DDX25: variants seen among roughly 807,000 people sequenced by gnomAD.
The protein encoded by DDX25 is ATP-dependent RNA helicase DDX25.
Under a neutral mutation model 64.6 loss-of-function variants are expected in DDX25, and 70 were observed. The observed-to-expected ratio is 1.08, with a 90% confidence interval of 0.89 to 1.32. The LOEUF is 1.32. Among genes scored for constraint, DDX25 ranks in the 40% most tolerant of loss-of-function variants. DDX25 has a pLI of 0.00. For missense variants in DDX25, 587 were observed against 604.4 expected (o/e 0.97, Z 0.30); for synonymous variants, 211 against 213.3 (o/e 0.99, Z 0.09).
rs117138528 is a variant in DDX25 at position 125,909,486 on chromosome 11, T to G, written c.508-878T>G. 3.5e-3 allele frequency among the ~76,000 whole-genome samples: 540 copies of G among 152,270 alleles called. 9 individuals carry two copies. In the East Asian group the frequency reaches 0.052, roughly 15 times the overall value. ...CGTTTTTTTCCATCAGCATCTTTATTCATCAGCAACCACCATTTTTATGGA... is the reference window on the plus strand; with the variant it reads ...CGTTTTTTTCCATCAGCATCTTTATGCATCAGCAACCACCATTTTTATGGA... On this transcript the variant is annotated intron_variant, in intron 6 of 11. Coordinates refer to ENST00000263576, the MANE Select transcript of DDX25 (RefSeq NM_013264.5).
At chr11:125,918,459 G>A (rs1489753203) in intron 9 of DDX25, among the ~76,000 whole-genome samples, 169 bp from the exon 10 acceptor site, 1 of 152,176 alleles carries the variant, frequency 6.6e-6, no homozygotes, top group East Asian at 1.9e-4. Flanking sequence ...ACAGGCGGAG[G>A]GAGGATGCCC....
At chr11:125,916,993 G>A in intron 8 of DDX25, 21 bp from the exon 9 acceptor site, 1 of 1,565,818 alleles carries the variant, frequency 6.4e-7, no homozygotes, top group Non-Finnish European at 8.7e-7. Flanking sequence ...CTTGGTGACA[G>A]CCTTCTCTCC....
At chr11:125,908,608 A>G (rs1239311170) in intron 6 of DDX25, 105 bp downstream of exon 6, 1 of 1,144,402 alleles carries the variant, frequency 8.7e-7, no homozygotes, top group African/African-American at 1.5e-5. Flanking sequence ...GTGATGAAAT[A>G]TTTAGAAAAG....
At chr11:125,916,723 C>T (rs559494558) in intron 8 of DDX25, among the ~76,000 whole-genome samples, 16 of 152,312 alleles carry the variant, frequency 1.1e-4, no homozygotes, top group African/African-American at 3.4e-4. Context: ...CTTGTGGCTG[C>T]GTGAGTCTGC....
upstream of DDX25, chr11:125,904,370 C>A: frequency 1.4e-6 from 1 of 704,574 alleles, no homozygotes; most frequent in Non-Finnish European, 2.0e-6. Context: ...CCCAGCCTTC[C>A]AGCGCCTGCG....
At chr11:125,919,658 G>A (rs568672728) in intron 10 of DDX25, among the ~76,000 whole-genome samples, 1 of 146,588 alleles carries the variant, frequency 6.8e-6, no homozygotes, top group East Asian at 2.0e-4. Flanking sequence ...TTCATTCTTA[G>A]TTTAGCACAC....
rs368660177 is a variant in DDX25 at position 125,918,788 on chromosome 11, G to A, written c.1199G>A (p.Arg400Gln). Residue 400 changes from arginine to glutamine, a missense_variant and splice_region_variant, in exon 10 of 12, where the codon CGA becomes CAA. Arg to Gln is a conservative substitution (Grantham distance 43). Coordinates refer to ENST00000263576, the MANE Select transcript of DDX25 (RefSeq NM_013264.5). ...KVLITTNVCA[R>Q]GIDVKQVTIV... ...CTCATAACAACTAATGTTTGTGCCC[G>A]AGGTGTGTGTTAAAAGTCAGGTCTT... 7 of 1,565,228 alleles carry A rather than the reference G, an allele frequency of 4.5e-6. No individual in the cohort carries two copies. The highest frequency in any genetic ancestry group is 5.2e-6 in the Non-Finnish European group (6 of 1,154,254).
chr11:125,908,556 TAG>T, intron 6 of DDX25, 53 bp downstream of exon 6: 1 of 1,488,026 alleles, frequency 6.7e-7, no homozygotes, highest in Non-Finnish European at 9.4e-7. Flanking sequence ...AGTGCTAATT[TAG>T]TAATAGGTGA....
At chr11:125,917,421 A>G (rs1384499714) in intron 9 of DDX25, among the ~76,000 whole-genome samples, 170 bp downstream of exon 9, 1 of 152,236 alleles carries the variant, frequency 6.6e-6, no homozygotes, top group Non-Finnish European at 1.5e-5. Context: ...TATGGGTGAA[A>G]TGTAAAAAGG....
chr11:125,910,538 G>A (rs760391003), intron 7 of DDX25, 60 bp downstream of exon 7: 72 of 1,444,550 alleles, frequency 5.0e-5, no homozygotes, highest in Non-Finnish European at 6.2e-5. Flanking sequence ...CCACGAATAA[G>A]CATTTTATAT....
chr11:125,905,582 GA>G lies in DDX25; in HGVS notation c.161del (p.Asp54ValfsTer5), dbSNP rs760714104. ...TTCTATTAATAACATCAATGAAGAT[GA>G]TGAAGAAGATGTAGGTAGGAGATGA... ...DGSINNINED[D>X]EEDVVDLAAN... On this transcript the variant is annotated frameshift_variant, in exon 3 of 12. Coordinates refer to ENST00000263576, the MANE Select transcript of DDX25 (RefSeq NM_013264.5). LOFTEE classifies it high-confidence loss of function. 9 of 1,551,664 alleles carry G rather than the reference GA, an allele frequency of 5.8e-6. No individual in the cohort carries two copies. Among genetic ancestry groups the G allele is most frequent in the Non-Finnish European group, 7.8e-6 (9 of 1,146,862 alleles).
rs188635930 is a variant in DDX25, at chr11:125,924,629, C to T, written c.*1748C>T. 762 of 152,382 alleles carry T rather than the reference C, an allele frequency of 5.0e-3. 2 individuals carry two copies. Among genetic ancestry groups the T allele is most frequent in the Non-Finnish European group, 7.3e-3 (497 of 68,088 alleles). 9.4% of individuals were successfully genotyped at this position (152,382 alleles called of 1,614,324 possible). On this transcript the variant is annotated 3_prime_UTR_variant, in exon 12 of 12. Transcript: ENST00000263576. The stretch of plus-strand genomic sequence containing the variant: ...ACGAGAGGAAGTGTTCCAGACCCAG[C>T]TTACCATAATTACCTGGAGAGCCCG...
intron 4 of DDX25, among the ~76,000 whole-genome samples, chr11:125,906,654 C>T (rs959380394): frequency 6.6e-6 from 1 of 151,702 alleles, no homozygotes; most frequent in Non-Finnish European, 1.5e-5. Flanking sequence ...GGGAAAACCC[C>T]CTCTCCACTA....
chr11:125,919,093 A>C (rs1945078538), intron 10 of DDX25, among the ~76,000 whole-genome samples: 1 of 152,178 alleles, frequency 6.6e-6, no homozygotes, highest in Non-Finnish European at 1.5e-5. Flanking sequence ...AATGCTCGTA[A>C]TAATACTAAT....
intron 8 of DDX25, among the ~76,000 whole-genome samples, chr11:125,915,833 G>A (rs1478647416): frequency 6.6e-6 from 1 of 152,162 alleles, no homozygotes; most frequent in East Asian, 1.9e-4. Flanking sequence ...TCTGTGTTCT[G>A]CAGTGCTCAT....
intron 2 of DDX25, 40 bp downstream of exon 2, chr11:125,905,318 TA>T: frequency 6.5e-7 from 1 of 1,546,948 alleles, no homozygotes; most frequent in Non-Finnish European, 8.7e-7. Flanking sequence ...CCTCAATGAT[TA>T]AAAAGTATTG....
intron 8 of DDX25, among the ~76,000 whole-genome samples, chr11:125,912,726 A>G (rs1225156327): frequency 5.3e-5 from 8 of 151,570 alleles, no homozygotes; most frequent in Non-Finnish European, 7.4e-5. Context: ...TTCTTCTAGA[A>G]GTAATCATTG....
Position 125,921,323 on chromosome 11 carries a change from T to G in DDX25, c.1334T>G (p.Phe445Cys), listed in dbSNP as rs770207807. 6.2e-6 allele frequency: 10 copies of G among 1,613,864 alleles called. No homozygotes were observed. The highest frequency in any genetic ancestry group is 1.7e-6 in the Non-Finnish European group (2 of 1,179,860). Residue 445 changes from phenylalanine (F) to cysteine (C), a missense_variant, in exon 11 of 12, where the codon TTC becomes TGC. Coordinates refer to ENST00000263576, the MANE Select transcript of DDX25 (RefSeq NM_013264.5). This position sits in a 1 kb window ranked among gnomAD's most constrained non-coding sequence, Gnocchi z 4.1. ...TGRFGKKGLAFNMIEVDELPS... is the reference protein window; with the variant it reads ...TGRFGKKGLACNMIEVDELPS... ...CGCTTTGGGAAAAAAGGCCTTGCCT[T>G]CAACATGATTGAAGTAGATGAGCTG...
chr11:125,915,622 G>C (rs1196874197), intron 8 of DDX25, among the ~76,000 whole-genome samples: 1 of 152,190 alleles, frequency 6.6e-6, no homozygotes, highest in African/African-American at 2.4e-5. Context: ...ATAAATCCTT[G>C]TGCCATCTTT....
Sources: allele counts gnomAD v4.1 joint callset (sites outside exome capture counted in the v4.1 genomes callset), GRCh38; gene constraint gnomAD v4.1.1; non-coding constraint Gnocchi (gnomAD v3.1); transcripts MANE v1.5; gene names NCBI Gene and HGNC (gene_info 2026-07-23, HGNC 2026-07-21).